Variants in TBC1D30 observed in about 807,000 individuals in gnomAD.
TBC1D30 encodes the protein TBC1 domain family, member 30.
TBC1D30 carries 31 observed loss-of-function variants against 63.2 expected under a neutral mutation model. That is an observed-to-expected ratio of 0.49 (90% CI 0.37 to 0.66). The LOEUF is 0.66. TBC1D30 is among the 30% of genes least tolerant of loss of function. TBC1D30 has a pLI of 0.00. For synonymous variants in TBC1D30, 307 were observed against 361.5 expected, an observed-to-expected ratio of 0.85 and a Z score of 1.71; for missense variants, 810 against 953.6, an observed-to-expected ratio of 0.85 and a Z score of 1.98.
At chr12:64,760,401 T>C (rs1334030202) in intron 1 of TBC1D30, among the ~76,000 whole-genome samples, 1 of 151,830 alleles carries the variant, frequency 6.6e-6, no homozygotes, top group Non-Finnish European at 1.5e-5. Flanking sequence ...CCGTCTCTAC[T>C]AAAATACAAA....
At chr12:64,818,437 A>G (rs1022638933) in intron 2 of TBC1D30, 5 of 982,392 alleles carry the variant, frequency 5.1e-6, no homozygotes, top group Non-Finnish European at 4.8e-6. Flanking sequence ...TAAACTGTAA[A>G]CTATTTTTTT....
At chr12:64,824,259 G>T (rs574123550), upstream of TBC1D30, among the ~76,000 whole-genome samples, 5 of 152,234 alleles carry the variant, frequency 3.3e-5, no homozygotes, top group Admixed American at 3.3e-4. Context: ...TAATCTGCCA[G>T]GAAATAATTC....
upstream of TBC1D30, among the ~76,000 whole-genome samples, chr12:64,779,618 C>T (rs890884017): frequency 2.6e-5 from 4 of 152,136 alleles, no homozygotes; most frequent in Non-Finnish European, 5.9e-5. Context: ...AAACACGAAA[C>T]ACCAGTGTTG....
At chr12:64,778,819 C>T (rs936006611), upstream of TBC1D30, among the ~76,000 whole-genome samples, 5 of 151,916 alleles carry the variant, frequency 3.3e-5, no homozygotes, top group Non-Finnish European at 7.4e-5. Context: ...CCATCGCGCC[C>T]GGCTCACAGA....
chr12:64,822,184 C>G (rs1873925935), upstream of TBC1D30, among the ~76,000 whole-genome samples: 1 of 151,984 alleles, frequency 6.6e-6, no homozygotes, highest in Non-Finnish European at 1.5e-5. Context: ...CAATAGCAGC[C>G]ATTTTTTTTT....
upstream of TBC1D30, among the ~76,000 whole-genome samples, chr12:64,819,811 G>C (rs1425753315): frequency 6.6e-6 from 1 of 152,214 alleles, no homozygotes; most frequent in Non-Finnish European, 1.5e-5. Flanking sequence ...GTTTACACAT[G>C]TTCAAAAATT....
chr12:64,825,165 C>G, intron 1 of TBC1D30, 132 bp downstream of exon 1: 7 of 1,309,746 alleles, frequency 5.3e-6, no homozygotes, highest in Non-Finnish European at 7.1e-6. Flanking sequence ...TGCGGGGCAC[C>G]GCGTTGGCAC....
intron 1 of TBC1D30, among the ~76,000 whole-genome samples, chr12:64,771,628 G>A (rs1343832206): frequency 1.3e-5 from 2 of 152,200 alleles, no homozygotes; most frequent in Non-Finnish European, 2.9e-5. Flanking sequence ...ACCAGCTGAA[G>A]GAGGAGGAAA....
intron 2 of TBC1D30, among the ~76,000 whole-genome samples, chr12:64,803,082 A>G (rs1055343993): frequency 2.6e-5 from 4 of 152,230 alleles, no homozygotes; most frequent in African/African-American, 9.6e-5. Context: ...ACTGACTTCC[A>G]CAATGGTTGA....
At chr12:64,771,747 A>G (rs933715921) in intron 1 of TBC1D30, among the ~76,000 whole-genome samples, 8 of 152,238 alleles carry the variant, frequency 5.3e-5, no homozygotes, top group Non-Finnish European at 1.2e-4. Context: ...GTAGTTTAAA[A>G]AAACAACAAC....
intron 2 of TBC1D30, among the ~76,000 whole-genome samples, chr12:64,793,207 G>A (rs1872038950): frequency 6.6e-6 from 1 of 152,120 alleles, no homozygotes; most frequent in African/African-American, 2.4e-5. Flanking sequence ...GCTGGGCGTT[G>A]TGGCATGCAT....
chr12:64,864,615 A>C, intron 8 of TBC1D30, 53 bp from the exon 9 acceptor site: 2 of 1,188,584 alleles, frequency 1.7e-6, no homozygotes, highest in Non-Finnish European at 2.4e-6. Context: ...AGGATTGATA[A>C]GAGTTGTGAA....
intron 2 of TBC1D30, among the ~76,000 whole-genome samples, chr12:64,805,252 C>T (rs1024573972): frequency 3.7e-4 from 56 of 152,052 alleles, no homozygotes; most frequent in African/African-American, 1.4e-3. Context: ...GTTTGAGGTC[C>T]CACATTAAGG....
At chr12:64,766,811 G>A (rs1349889458) in intron 1 of TBC1D30, among the ~76,000 whole-genome samples, 2 of 151,992 alleles carry the variant, frequency 1.3e-5, no homozygotes, top group African/African-American at 4.8e-5. Flanking sequence ...AACAAACCTC[G>A]ATAAATCTAA....
intron 2 of TBC1D30, among the ~76,000 whole-genome samples, chr12:64,786,499 T>G (rs1871590461): frequency 6.6e-6 from 1 of 151,892 alleles, no homozygotes; most frequent in Non-Finnish European, 1.5e-5. Flanking sequence ...GCCTGGCTAA[T>G]TTTTGTATTT....
chr12:64,824,555 C>A (rs1196008375), upstream of TBC1D30: 1 of 280,456 alleles, frequency 3.6e-6, no homozygotes, highest in Non-Finnish European at 6.7e-6. Context: ...ACGGCGGTGC[C>A]GGGATTGGGG....
intron 1 of TBC1D30, among the ~76,000 whole-genome samples, chr12:64,765,490 CAAAAAA>C (rs60489979): frequency 0.11 from 1,918 of 17,334 alleles, 42 homozygotes; most frequent in African/African-American, 0.28. Flanking sequence ...AGACTGTCTC[CAAAAAA>C]AAAAAAAAAA....
Position 64,864,686 on chromosome 12 carries a change from C to T in TBC1D30, c.1057C>T (p.Pro353Ser), listed in dbSNP as rs1368690293. 2.0e-6 allele frequency: 3 copies of T among 1,536,530 alleles called. No individual in the cohort carries two copies. The highest frequency in any genetic ancestry group is 2.6e-6 in the Non-Finnish European group (3 of 1,146,964). Residue 353 changes from proline (P) to serine (S), a missense_variant, in exon 9 of 12, where the codon CCG becomes TCG. Physicochemically the swap from Pro to Ser is moderately conservative, Grantham distance 74. Transcript: ENST00000539867. ...TTTACAGACTGTTTATTCCATGGCT[C>T]CGTTCCCTTTCCCACAATTGGCAGA... ...ELMQTVYSMA[P>S]FPFPQLAELR...
intron 2 of TBC1D30, among the ~76,000 whole-genome samples, chr12:64,795,898 TTTAGA>T (rs971790409): frequency 6.6e-5 from 10 of 152,154 alleles, no homozygotes; most frequent in Non-Finnish European, 1.2e-4. Context: ...TAAGTTATCA[TTTAGA>T]TTAGGGTAGA....
Sources: gnomAD v4.1 joint callset for allele counts (sites outside exome capture counted in the v4.1 genomes callset) on GRCh38, gnomAD v4.1.1 for gene constraint, MANE v1.5 for transcripts, NCBI Gene and HGNC (gene_info 2026-07-23, HGNC 2026-07-21) for gene names.